Variants in HIVEP3 observed in about 807,000 individuals in gnomAD.
HIVEP3 encodes HIVEP zinc finger 3, also known as transcription factor HIVEP3.
Under a neutral mutation model 152.8 loss-of-function variants are expected in HIVEP3, and 49 were observed. That is an observed-to-expected ratio of 0.32 (90% CI 0.26 to 0.41). HIVEP3 has a LOEUF of 0.41. Ranked by LOEUF, HIVEP3 falls within the 10% of genes least tolerant of loss-of-function variation. HIVEP3 has a pLI of 1.00. For missense variants in HIVEP3, 2,790 were observed against 3,103.3 expected, an observed-to-expected ratio of 0.90 and a Z score of 2.40; for synonymous variants, 1,269 against 1,289.0, an observed-to-expected ratio of 0.98 and a Z score of 0.33.
chr1:41,628,972 G>C (rs1645155844), intron 2 of HIVEP3, 25 bp from the exon 3 acceptor site: 4 of 1,228,198 alleles, frequency 3.3e-6, no homozygotes, highest in Non-Finnish European at 4.1e-6. Context: ...TGAGAAACAT[G>C]GTCAAAGAAC....
At chr1:41,796,581 T>C (rs1376052610) in intron 1 of HIVEP3, among the ~76,000 whole-genome samples, 1 of 152,248 alleles carries the variant, frequency 6.6e-6, no homozygotes, top group Non-Finnish European at 1.5e-5. Flanking sequence ...GGAGAGGAGT[T>C]TGGCACATGC....
chr1:41,893,664 T>C (rs937761916), intron 1 of HIVEP3, among the ~76,000 whole-genome samples: 6 of 151,902 alleles, frequency 3.9e-5, no homozygotes, highest in African/African-American at 1.4e-4. Context: ...TTTGTATAAC[T>C]TACTTCACCT....
At position 41,581,884 on chromosome 1, in the gene HIVEP3, C is replaced by A. The variant is rs1412953395; in HGVS notation, c.2914G>T (p.Gly972Cys). ...CTGGGGACAGTCAACATGTGGGTGCCCAGGGGTTTGGGGCGCATGTCAGAT... is the reference window on the plus strand; with the variant it reads ...CTGGGGACAGTCAACATGTGGGTGCACAGGGGTTTGGGGCGCATGTCAGAT... ...PSSDMRPKPL[G>C]THMLTVPSHH... Residue 972 changes from glycine (G) to cysteine (C), a missense_variant, in exon 4 of 9, where the codon GGC becomes TGC. Gly to Cys is a radical substitution (Grantham distance 159, BLOSUM62 -3). Around this residue, in one of 9 missense-constraint regions of HIVEP3, gnomAD observed 1,078 missense variants for 1,165.3 expected, o/e 0.93. Transcript: ENST00000372583. The surrounding 1 kb of genome is among the most constrained non-coding windows in gnomAD (Gnocchi z 4.5). 1 of 1,612,776 alleles carries A rather than the reference C, an allele frequency of 6.2e-7. No individual in the cohort carries two copies. The highest frequency in any genetic ancestry group is 1.7e-5 in the Admixed American group (1 of 59,952).
chr1:41,925,526 G>A (rs1409352617), intron 1 of HIVEP3, among the ~76,000 whole-genome samples: 2 of 152,162 alleles, frequency 1.3e-5, no homozygotes, highest in African/African-American at 4.8e-5. Flanking sequence ...GGCTGAGGAG[G>A]AGGAAGAAGA....
In HIVEP3 at chr1:41,582,307, G is replaced by C. The variant is rs749698755; in HGVS notation, c.2491C>G (p.Pro831Ala). ...GAGCGTCCGTGTGGGGCAGGTGGGG[G>C]TGATGGGAACTGGGCCAGAGGTTTG... is the stretch of plus-strand genomic sequence containing the variant. ...EDKPLAQFPSPPPAPHGRSAH... is the reference protein window; with the variant it reads ...EDKPLAQFPSAPPAPHGRSAH... Residue 831 changes from proline to alanine, a missense_variant, in exon 4 of 9, where the codon CCC (proline) becomes GCC (alanine). Transcript: ENST00000372583. This position sits in a 1 kb window ranked among gnomAD's most constrained non-coding sequence, Gnocchi z 4.7. The C allele has an allele frequency of 6.2e-7, 1 of 1,614,164 alleles. No homozygotes were observed. The highest frequency in any genetic ancestry group is 8.5e-7 in the Non-Finnish European group (1 of 1,180,022).
intron 1 of HIVEP3, among the ~76,000 whole-genome samples, chr1:41,742,492 C>A (rs781674526): frequency 3.9e-5 from 6 of 152,228 alleles, no homozygotes; most frequent in Non-Finnish European, 8.8e-5. Context: ...CTCGACATTG[C>A]CTTTCTCTGT....
At chr1:41,971,235 T>C (rs150307445) in intron 1 of HIVEP3, among the ~76,000 whole-genome samples, 1 of 152,308 alleles carries the variant, frequency 6.6e-6, no homozygotes, top group African/African-American at 2.4e-5. Flanking sequence ...CACAGTAATC[T>C]GGCATCTATA....
intron 1 of HIVEP3, among the ~76,000 whole-genome samples, chr1:41,752,836 G>T (rs1647187576): frequency 6.6e-6 from 1 of 152,220 alleles, no homozygotes; most frequent in Non-Finnish European, 1.5e-5. Context: ...ATTCAGGAAA[G>T]TGTTCTAAAT....
At chr1:41,604,585 C>T (rs963298563) in intron 3 of HIVEP3, among the ~76,000 whole-genome samples, 2 of 152,140 alleles carry the variant, frequency 1.3e-5, no homozygotes, top group Admixed American at 1.3e-4. Context: ...CTCACTTGCC[C>T]TGGTACCTCT....
chr1:41,834,159 C>T (rs1643051082), intron 1 of HIVEP3, among the ~76,000 whole-genome samples: 1 of 152,188 alleles, frequency 6.6e-6, no homozygotes, highest in Non-Finnish European at 1.5e-5. Flanking sequence ...TTTAATCCTC[C>T]TCACAAATGG....
chr1:41,747,599 C>T (rs1273154858), intron 1 of HIVEP3, among the ~76,000 whole-genome samples: 2 of 152,242 alleles, frequency 1.3e-5, no homozygotes, highest in East Asian at 3.8e-4. Context: ...AGACCTTTTT[C>T]TAGACACATA....
Position 41,583,579 on chromosome 1 carries a change from G to T in HIVEP3, c.1219C>A (p.Pro407Thr), listed in dbSNP as rs41269477. ...SESAEQQVSPPNTNAKSYAEI... is the reference protein window; with the variant it reads ...SESAEQQVSPTNTNAKSYAEI... ...GCGTAGGACTTGGCGTTGGTGTTTG[G>T]GGGGCTGACCTGCTGCTCTGCACTC... Residue 407 changes from proline to threonine, a missense_variant, in exon 4 of 9, where the codon CCA becomes ACA. Pro to Thr is a conservative substitution (Grantham distance 38). Around this residue, in one of 9 missense-constraint regions of HIVEP3, gnomAD observed 134 missense variants for 242.5 expected, o/e 0.55. Coordinates refer to ENST00000372583, the MANE Select transcript of HIVEP3 (RefSeq NM_024503.5). The surrounding 1 kb of genome is among the most constrained non-coding windows in gnomAD (Gnocchi z 6.9). The T allele has an allele frequency of 3.3e-3, 5,345 of 1,614,098 alleles. 18 individuals are homozygous for T. Among genetic ancestry groups the T allele is most frequent in the Non-Finnish European group, 4.0e-3 (4,766 of 1,179,996 alleles).
chr1:41,701,509 G>A lies in HIVEP3; in HGVS notation c.-800-514C>T, dbSNP rs1018864336. 2.3e-4 allele frequency among the ~76,000 whole-genome samples: 35 copies of A among 152,184 alleles called. 1 individual carries two copies. The highest frequency in any genetic ancestry group is 8.0e-4 in the African/African-American group (33 of 41,454). Reference sequence around the variant, plus strand: ...GTGTAGACCCAGGACAAATGCCACAGGCTGGTGGGTTGCCTCCCTTCTCCA... The same window carrying A: ...GTGTAGACCCAGGACAAATGCCACAAGCTGGTGGGTTGCCTCCCTTCTCCA... On this transcript the variant is annotated intron_variant, in intron 1 of 8. Coordinates refer to ENST00000372583, the MANE Select transcript of HIVEP3 (RefSeq NM_024503.5).
rs1642813797 is a variant in HIVEP3, at chr1:41,826,703, T to C, written c.-801+91710A>G. ...GCCCCTGGGAACTGTGGCTTGGATG[T>C]TCTGAAGGTTTTGTATGCTGGAGAC... is the stretch of plus-strand genomic sequence containing the variant. On this transcript the variant is annotated intron_variant, in intron 1 of 8. Coordinates refer to ENST00000372583, the MANE Select transcript of HIVEP3 (RefSeq NM_024503.5). Among the ~76,000 whole-genome samples the C allele has an allele frequency of 2.0e-5, 3 of 152,188 alleles. No homozygotes were observed. The South Asian group carries it at 6.2e-4, about 32-fold the overall frequency.
chr1:41,579,155 TA>T (rs1644364703), intron 4 of HIVEP3, among the ~76,000 whole-genome samples: 1 of 152,118 alleles, frequency 6.6e-6, no homozygotes, highest in African/African-American at 2.4e-5. Context: ...CATCCACTGG[TA>T]AGGAGGGATA....
At chr1:41,617,415 A>G (rs551783314) in intron 3 of HIVEP3, among the ~76,000 whole-genome samples, 2 of 152,332 alleles carry the variant, frequency 1.3e-5, no homozygotes, top group South Asian at 4.1e-4. Flanking sequence ...CACACAGAAC[A>G]TCTCTGACCC....
intron 1 of HIVEP3, among the ~76,000 whole-genome samples, chr1:41,718,745 GTC>G (rs918717261): frequency 1.3e-5 from 2 of 151,228 alleles, no homozygotes; most frequent in African/African-American, 4.9e-5. Flanking sequence ...CTCTGTCTCT[GTC>G]TCTCTCTTTC....
intron 5 of HIVEP3, among the ~76,000 whole-genome samples, chr1:41,525,264 C>T (rs1642868204): frequency 6.6e-6 from 1 of 151,076 alleles, no homozygotes; most frequent in Non-Finnish European, 1.5e-5. Context: ...CACCGCAGGC[C>T]ACCAGAGTCC....
At chr1:41,621,311 G>A (rs1645044002) in intron 3 of HIVEP3, among the ~76,000 whole-genome samples, 1 of 152,234 alleles carries the variant, frequency 6.6e-6, no homozygotes, top group Non-Finnish European at 1.5e-5. Context: ...TTATGGGAGG[G>A]TATGTGGACA....
Sources: gnomAD v4.1 joint callset for allele counts (sites outside exome capture counted in the v4.1 genomes callset) on GRCh38, gnomAD v4.1.1 for gene constraint, gnomAD v4.1.1 regional missense constraint, Gnocchi (gnomAD v3.1) non-coding constraint, MANE v1.5 for transcripts, NCBI Gene and HGNC (gene_info 2026-07-23, HGNC 2026-07-21) for gene names.